The following RDH10 variants were observed in gnomAD, a reference collection of about 807,000 sequenced individuals.
RDH10 encodes the protein retinol dehydrogenase 10 (all-trans).
Under a neutral mutation model 30.2 loss-of-function variants are expected in RDH10, and 12 were observed. The ratio of observed to expected loss-of-function variants is 0.40; its 90% CI spans 0.25 to 0.64. The LOEUF (loss-of-function observed/expected upper bound fraction) is 0.64. Ranked by LOEUF, RDH10 falls within the 30% of genes least tolerant of loss-of-function variation. The probability of loss-of-function intolerance (pLI) is 0.43; values close to 1 mark genes in which losing one functional copy is unlikely to be tolerated. For missense variants in RDH10, 268 were observed against 445.2 expected (o/e 0.60, Z 3.58); for synonymous variants, 189 against 172.2 (o/e 1.10, Z -0.76).
intron 3 of RDH10, among the ~76,000 whole-genome samples, chr8:73,319,782 TATTA>T (rs760183360): frequency 2.0e-5 from 3 of 152,200 alleles, no homozygotes; most frequent in African/African-American, 4.8e-5. Flanking sequence ...AGCTATCTTG[TATTA>T]ATTAGCCCAT....
intron 2 of RDH10, among the ~76,000 whole-genome samples, chr8:73,314,557 G>A (rs1421183049): frequency 6.6e-6 from 1 of 152,192 alleles, no homozygotes; most frequent in African/African-American, 2.4e-5. Flanking sequence ...AGGCTTAAAA[G>A]AAACCCGAGT....
intron 2 of RDH10, among the ~76,000 whole-genome samples, 188 bp from the exon 3 acceptor site, chr8:73,318,908 G>A (rs1357548089): frequency 6.6e-6 from 1 of 152,124 alleles, no homozygotes; most frequent in African/African-American, 2.4e-5. Flanking sequence ...TAATAGGCCT[G>A]CCATGCCGAT....
intron 2 of RDH10, among the ~76,000 whole-genome samples, chr8:73,301,297 G>A (rs35274065): frequency 4.7e-5 from 7 of 148,702 alleles, no homozygotes; most frequent in Middle Eastern, 3.5e-3. Context: ...TGATCCGCCC[G>A]CCTCGGCCTC....
At chr8:73,297,499 T>G (rs1814288526) in intron 2 of RDH10, 70 bp downstream of exon 2, 1 of 1,163,286 alleles carries the variant, frequency 8.6e-7, no homozygotes, top group Non-Finnish European at 1.3e-6. Context: ...GGGAGAGACT[T>G]CAGTGCCAGC....
chr8:73,306,487 G>GA (rs1814464766), intron 2 of RDH10, among the ~76,000 whole-genome samples: 2 of 152,158 alleles, frequency 1.3e-5, no homozygotes, highest in South Asian at 2.1e-4. Flanking sequence ...GCCACAGGGG[G>GA]AAAAAATGAA....
intron 2 of RDH10, chr8:73,311,135 T>A (rs1407732323): frequency 1.3e-5 from 2 of 152,042 alleles, no homozygotes; most frequent in African/African-American, 4.8e-5. Flanking sequence ...ATTGGAAAAA[T>A]AATTGTTGAA....
chr8:73,308,243 C>A (rs773560010), intron 2 of RDH10, among the ~76,000 whole-genome samples: 4 of 152,156 alleles, frequency 2.6e-5, no homozygotes, highest in Non-Finnish European at 5.9e-5. Context: ...TATCTCCTAA[C>A]AAAATGTAAA....
At chr8:73,312,236 T>C (rs1044578610) in intron 2 of RDH10, 2 of 152,228 alleles carry the variant, frequency 1.3e-5, no homozygotes, top group Non-Finnish European at 2.9e-5. Context: ...TATGGTCCCC[T>C]GTGGAAGTCA....
chr8:73,297,721 G>T, intron 2 of RDH10: 1 of 286,388 alleles, frequency 3.5e-6, no homozygotes, highest in African/African-American at 2.1e-5. Context: ...AAAACCCTGG[G>T]TTTGTTTATT....
Position 73,309,006 on chromosome 8 carries a change from G to A in RDH10, c.526-10090G>A, listed in dbSNP as rs935389706. Among the ~76,000 whole-genome samples the A allele has an allele frequency of 1.4e-4, 22 of 152,022 alleles. 1 individual carries two copies. The highest frequency in any genetic ancestry group is 8.3e-4 in the South Asian group (4 of 4,820). Reference sequence around the variant, plus strand: ...TTCAGAGCCCAGGTGATTCCTACACGCATGTGCGCCAAAGTTTGAAGAGGA... The same window carrying A: ...TTCAGAGCCCAGGTGATTCCTACACACATGTGCGCCAAAGTTTGAAGAGGA... On this transcript the variant is annotated intron_variant, in intron 2 of 5. Transcript: ENST00000240285.
intron 2 of RDH10, chr8:73,312,154 A>G (rs1814574781): frequency 6.6e-6 from 1 of 152,220 alleles, no homozygotes; most frequent in Non-Finnish European, 1.5e-5. Flanking sequence ...ATTTTTTAAC[A>G]CACTAATGAT....
intron 2 of RDH10, among the ~76,000 whole-genome samples, chr8:73,314,144 G>T (rs1170444125): frequency 1.3e-5 from 2 of 152,082 alleles, no homozygotes; most frequent in East Asian, 3.8e-4. Flanking sequence ...ACCTTTTGCT[G>T]GTCTCTATCT....
At chr8:73,296,901 T>C (rs1814275726) in intron 1 of RDH10, 1 of 385,298 alleles carries the variant, frequency 2.6e-6, no homozygotes, top group Non-Finnish European at 5.0e-6. Flanking sequence ...TGCAGGTGTC[T>C]TTAGCTCCAG....
intron 2 of RDH10, among the ~76,000 whole-genome samples, chr8:73,306,899 T>C (rs1484388768): frequency 1.3e-5 from 2 of 152,258 alleles, no homozygotes; most frequent in Non-Finnish European, 2.9e-5. Context: ...GTGGTACTTA[T>C]GTAAACACAT....
chr8:73,323,154 A>G lies in RDH10; in HGVS notation c.*118A>G. On this transcript the variant is annotated 3_prime_UTR_variant, in exon 6 of 6. Coordinates refer to ENST00000240285, the MANE Select transcript of RDH10 (RefSeq NM_172037.5). ...TAAACTTGTGTTGTTTCTTTTTTAA[A>G]TCAACTTTTTAAAAAAATAAAGTGT... is the stretch of plus-strand genomic sequence containing the variant. 4 of 853,178 alleles carry G rather than the reference A, an allele frequency of 4.7e-6. No individual in the cohort carries two copies. The highest frequency in any genetic ancestry group is 2.7e-4 in the Middle Eastern group (1 of 3,680). The allele number at this position is 853,178 out of a possible 1,614,324, so 52.9% of individuals were successfully genotyped here. A position where few individuals can be genotyped will look rare whatever the true frequency, so the allele number is the denominator to read the frequency against.
chr8:73,323,169 A>T lies in RDH10; in HGVS notation c.*133A>T, dbSNP rs1180321224. The T allele has an allele frequency of 1.3e-6, 1 of 758,318 alleles. No individual in the cohort carries two copies. Among genetic ancestry groups the T allele is most frequent in the African/African-American group, 1.8e-5 (1 of 56,828 alleles). The allele number at this position is 758,318 out of a possible 1,614,324, so 47.0% of individuals were successfully genotyped here. A position where few individuals can be genotyped will look rare whatever the true frequency, so the allele number is the denominator to read the frequency against. ...TCTTTTTTAAATCAACTTTTTAAAAAAATAAAGTGTAAATTAACCGACTAG... is the reference window on the plus strand; with the variant it reads ...TCTTTTTTAAATCAACTTTTTAAAATAATAAAGTGTAAATTAACCGACTAG... On this transcript the variant is annotated 3_prime_UTR_variant, in exon 6 of 6. Transcript: ENST00000240285.
At chr8:73,312,873 A>G (rs1178464909) in intron 2 of RDH10, 2 of 152,238 alleles carry the variant, frequency 1.3e-5, no homozygotes, top group Non-Finnish European at 2.9e-5. Flanking sequence ...AGAGATAAAC[A>G]TTTCAAAACG....
chr8:73,318,220 A>C (rs969240375), intron 2 of RDH10, among the ~76,000 whole-genome samples: 1 of 147,628 alleles, frequency 6.8e-6, no homozygotes, highest in Non-Finnish European at 1.5e-5. Context: ...ATTTGAAGTA[A>C]TTTTTTTTTT....
At position 73,322,749 on chromosome 8, in the gene RDH10, C is replaced by G; in HGVS notation, c.841C>G (p.Leu281Val). The G allele has an allele frequency of 6.2e-7, 1 of 1,614,038 alleles. No homozygotes were observed. Among genetic ancestry groups the G allele is most frequent in the Non-Finnish European group, 8.5e-7 (1 of 1,179,912 alleles). Residue 281 changes from leucine (L) to valine (V), a missense_variant, in exon 5 of 6, where the codon CTC becomes GTC. Physicochemically the swap from Leu to Val is conservative, Grantham distance 32. Around this residue, in one of 4 missense-constraint regions of RDH10, gnomAD observed 136 missense variants for 288.8 expected, o/e 0.47. Transcript: ENST00000240285. ...TGTGAAGCAGGCCATGAAGGCCATC[C>G]TCACTGACCAGCCCATGATCTGCAC... is the stretch of plus-strand genomic sequence containing the variant. ...YCVKQAMKAI[L>V]TDQPMICTPR...
Sources: allele counts gnomAD v4.1 joint callset (sites outside exome capture counted in the v4.1 genomes callset), GRCh38; gene constraint gnomAD v4.1.1; regional missense constraint gnomAD v4.1.1; transcripts MANE v1.5; gene names NCBI Gene and HGNC (gene_info 2026-07-23, HGNC 2026-07-21).